Variants in TANC2 observed in about 807,000 individuals in gnomAD.
TANC2 encodes protein TANC2.
Under a neutral mutation model 210.5 loss-of-function variants are expected in TANC2, and 26 were observed. That is an observed-to-expected ratio of 0.12 (90% confidence interval 0.09 to 0.17). The LOEUF is 0.17. Ranked by LOEUF, TANC2 falls within the 10% of genes least tolerant of loss-of-function variation. The pLI is 1.00. For synonymous variants in TANC2, 931 were observed against 967.1 expected (o/e 0.96, Z 0.69); for missense variants, 2,129 against 2,608.9 (o/e 0.82, Z 4.01).
At chr17:63,210,461 A>G (rs528725073) in intron 7 of TANC2, among the ~76,000 whole-genome samples, 2 of 152,334 alleles carry the variant, frequency 1.3e-5, no homozygotes, top group Non-Finnish European at 2.9e-5. Flanking sequence ...CTCATTGCCA[A>G]TAACCAGTAT....
intron 1 of TANC2, among the ~76,000 whole-genome samples, chr17:62,991,685 A>T (rs758103877): frequency 6.6e-6 from 1 of 152,044 alleles, no homozygotes; most frequent in Non-Finnish European, 1.5e-5. Context: ...CTAAGTAGAT[A>T]ATACAAATAA....
At chr17:63,189,825 T>G (rs2041123717) in intron 5 of TANC2, among the ~76,000 whole-genome samples, 1 of 152,222 alleles carries the variant, frequency 6.6e-6, no homozygotes, top group Admixed American at 6.5e-5. Flanking sequence ...AAGAAATCAT[T>G]GCCTAACCAA....
chr17:63,308,272 C>T (rs1449923830), intron 9 of TANC2, among the ~76,000 whole-genome samples: 2 of 152,158 alleles, frequency 1.3e-5, no homozygotes, highest in African/African-American at 4.8e-5. Flanking sequence ...TTGGCTTCTT[C>T]CGCTCCCTAT....
At chr17:63,413,847 A>T (rs900793622) in intron 25 of TANC2, among the ~76,000 whole-genome samples, 6 of 152,156 alleles carry the variant, frequency 3.9e-5, no homozygotes, top group Non-Finnish European at 7.4e-5. Context: ...TGATCAATCT[A>T]AAGCCCTGGT....
At chr17:63,160,532 T>C (rs1042584782) in intron 5 of TANC2, among the ~76,000 whole-genome samples, 5 of 152,212 alleles carry the variant, frequency 3.3e-5, no homozygotes, top group African/African-American at 1.2e-4. Flanking sequence ...AAATGTAACA[T>C]AATTTTTAAA....
At chr17:63,039,942 A>G (rs2035119740) in intron 2 of TANC2, among the ~76,000 whole-genome samples, 1 of 152,150 alleles carries the variant, frequency 6.6e-6, no homozygotes, top group African/African-American at 2.4e-5. Context: ...TGAAGGTTAT[A>G]TCTATTAATA....
intron 9 of TANC2, among the ~76,000 whole-genome samples, chr17:63,303,627 T>TTTGAATGTTGGCCTGTCTTG (rs944760846): frequency 6.6e-6 from 1 of 152,186 alleles, no homozygotes; most frequent in African/African-American, 2.4e-5. Context: ...ATTTCTTGAA[T>TTTGAATGTTGGCCTGTCTTG]TTGAATGTTG....
intron 14 of TANC2, among the ~76,000 whole-genome samples, chr17:63,364,796 A>AG (rs2047063020): frequency 6.6e-6 from 1 of 152,174 alleles, no homozygotes; most frequent in South Asian, 2.1e-4. Context: ...TTAAAAAAAA[A>AG]AAAAATTACA....
chr17:63,121,608 A>G (rs377172553), intron 4 of TANC2, among the ~76,000 whole-genome samples: 10 of 152,128 alleles, frequency 6.6e-5, no homozygotes, highest in African/African-American at 2.4e-4. Context: ...AACTGTGTAC[A>G]TTCTACATGT....
At chr17:63,218,239 G>T (rs980894299) in intron 7 of TANC2, among the ~76,000 whole-genome samples, 3 of 151,662 alleles carry the variant, frequency 2.0e-5, no homozygotes, top group African/African-American at 7.3e-5. Flanking sequence ...CTGCACTCCA[G>T]CCTGGGTAAC....
chr17:63,205,789 C>A (rs1157842224), intron 7 of TANC2, among the ~76,000 whole-genome samples: 1 of 151,940 alleles, frequency 6.6e-6, no homozygotes, highest in East Asian at 1.9e-4. Flanking sequence ...TGGCACAAGC[C>A]TGTAATCCCA....
exon 28 of TANC2, chr17:63,422,162 G>A: frequency 3.5e-6 from 2 of 568,034 alleles, no homozygotes; most frequent in South Asian, 2.2e-5. Context: ...TCTTGTCTGT[G>A]CCCAGCCACA....
intron 4 of TANC2, among the ~76,000 whole-genome samples, chr17:63,108,616 C>T (rs2037915377): frequency 6.6e-6 from 1 of 151,648 alleles, no homozygotes. Flanking sequence ...CGAGACCATC[C>T]TGGCCAACAT....
chr17:63,033,845 A>G (rs150977802), intron 2 of TANC2, among the ~76,000 whole-genome samples: 2 of 152,328 alleles, frequency 1.3e-5, no homozygotes, highest in African/African-American at 4.8e-5. Context: ...ATTGGAAGTC[A>G]TGACCATCCA....
intron 3 of TANC2, among the ~76,000 whole-genome samples, chr17:63,098,005 G>A (rs994619773): frequency 1.3e-5 from 2 of 151,526 alleles, no homozygotes; most frequent in African/African-American, 4.9e-5. Context: ...AATTTTAAAC[G>A]TTTATTTTCT....
At chr17:63,304,536 CT>C (rs1182796956) in intron 9 of TANC2, among the ~76,000 whole-genome samples, 1 of 152,166 alleles carries the variant, frequency 6.6e-6, no homozygotes, top group Non-Finnish European at 1.5e-5. Flanking sequence ...CTGACAACCC[CT>C]GTTGGAGATT....
intron 11 of TANC2, among the ~76,000 whole-genome samples, chr17:63,321,599 A>G (rs1321918783): frequency 6.6e-6 from 1 of 152,186 alleles, no homozygotes; most frequent in Non-Finnish European, 1.5e-5. Context: ...CTAGCAAAGA[A>G]TCCTCCAGTC....
chr17:63,415,232 C>CT (rs1414170131), intron 25 of TANC2, among the ~76,000 whole-genome samples: 16 of 152,338 alleles, frequency 1.1e-4, no homozygotes, highest in Middle Eastern at 3.4e-3. Flanking sequence ...TGGTCAGCCT[C>CT]TTTGGAATCC....
intron 5 of TANC2, chr17:63,152,789 T>C (rs2039700192): frequency 6.6e-6 from 1 of 152,170 alleles, no homozygotes; most frequent in Admixed American, 6.6e-5. Flanking sequence ...CAAGTCAGAA[T>C]GACTGTCATG....
Sources: allele counts gnomAD v4.1 joint callset (sites outside exome capture counted in the v4.1 genomes callset), GRCh38; gene constraint gnomAD v4.1.1; transcripts MANE v1.5; gene names NCBI Gene and HGNC (gene_info 2026-07-23, HGNC 2026-07-21).